NMNAT1: variants seen among roughly 807,000 people sequenced by gnomAD.
The protein encoded by NMNAT1 is nicotinamide nucleotide adenylyltransferase 1.
NMNAT1 carries 11 observed loss-of-function variants against 16.7 expected under a neutral mutation model. The observed-to-expected ratio is 0.66, with a 90% confidence interval of 0.41 to 1.09. NMNAT1 has a LOEUF of 1.09. NMNAT1 is among the 50% of genes least tolerant of loss of function. The pLI, the probability that NMNAT1 is intolerant of heterozygous loss-of-function variation, is 0.00. For synonymous variants in NMNAT1, 110 were observed against 119.8 expected, an observed-to-expected ratio of 0.92 and a Z score of 0.53; for missense variants, 280 against 332.3, an observed-to-expected ratio of 0.84 and a Z score of 1.22.
At chr1:9,996,627 G>T in the NMNAT1 span, among the ~76,000 whole-genome samples, 1 of 152,138 alleles carries the variant, frequency 6.6e-6, no homozygotes, top group Non-Finnish European at 1.5e-5. Flanking sequence ...TAGGAGATGG[G>T]GAGGTTTGTG....
intron 1 of NMNAT1, among the ~76,000 whole-genome samples, chr1:9,945,093 G>A (rs1251995389): frequency 1.3e-5 from 2 of 152,086 alleles, no homozygotes; most frequent in East Asian, 3.9e-4. Context: ...AATTAACCAG[G>A]CGTGGTGGTC....
chr1:9,995,756 C>T, the NMNAT1 span, among the ~76,000 whole-genome samples: 4 of 151,904 alleles, frequency 2.6e-5, no homozygotes, highest in Admixed American at 6.6e-5. Context: ...ACCGCGGGTG[C>T]GGTGGCTCAC....
chr1:9,957,643 A>G (rs1641298399), intron 1 of NMNAT1, among the ~76,000 whole-genome samples: 2 of 152,190 alleles, frequency 1.3e-5, no homozygotes, highest in African/African-American at 4.8e-5. Context: ...GTGAAAAACT[A>G]TTTCATGGGA....
chr1:9,968,939 CAA>C (rs749269968), intron 1 of NMNAT1, among the ~76,000 whole-genome samples: 15 of 68,316 alleles, frequency 2.2e-4, no homozygotes, highest in Admixed American at 3.5e-4. Flanking sequence ...GACTCTGTCT[CAA>C]AAAAAAAAAA....
rs200717720 is a variant in NMNAT1, at chr1:9,945,234, AAAAAC to A, written c.-57+1739_-57+1743del. ...GGGTGACAGAGCAACTCCGTCTTAA[AAAAAC>A]AAAACAAAACAAAACAAAAGAAGAA... On this transcript the variant is annotated intron_variant, in intron 1 of 4. Transcript: ENST00000377205. 4.8e-3 allele frequency among the ~76,000 whole-genome samples: 724 copies of A among 152,218 alleles called. 5 individuals are homozygous for A. The highest frequency in any genetic ancestry group is 0.014 in the Admixed American group (209 of 15,268).
intron 1 of NMNAT1, among the ~76,000 whole-genome samples, chr1:9,952,170 C>T (rs113172808): frequency 0.012 from 1,860 of 152,092 alleles, 10 homozygotes; most frequent in Middle Eastern, 0.027. Flanking sequence ...GGCATGGTGG[C>T]GGGCACCTGT....
At chr1:9,961,376 CG>C (rs1641403041) in intron 1 of NMNAT1, among the ~76,000 whole-genome samples, 1 of 152,128 alleles carries the variant, frequency 6.6e-6, no homozygotes, top group Non-Finnish European at 1.5e-5. Flanking sequence ...GGTTGTCTGA[CG>C]CCAGCTGTCT....
At chr1:9,973,973 G>C (rs1365973053) in intron 2 of NMNAT1, among the ~76,000 whole-genome samples, 2 of 151,728 alleles carry the variant, frequency 1.3e-5, no homozygotes, top group Non-Finnish European at 2.9e-5. Flanking sequence ...CTGTAACTGG[G>C]ATTACAGGCA....
downstream of NMNAT1, among the ~76,000 whole-genome samples, chr1:9,987,928 T>G (rs1360165441): frequency 1.3e-5 from 2 of 152,296 alleles, no homozygotes; most frequent in Admixed American, 1.3e-4. Flanking sequence ...TAAAGTGATT[T>G]TCAAAATTTT....
intron 2 of NMNAT1, 143 bp downstream of exon 2, chr1:9,972,331 A>C: frequency 1.7e-6 from 1 of 599,766 alleles, no homozygotes; most frequent in Non-Finnish European, 3.0e-6. Flanking sequence ...CAACATGGTA[A>C]AACCCTGTCT....
chr1:9,973,165 G>A (rs1641726567), intron 2 of NMNAT1, among the ~76,000 whole-genome samples: 2 of 152,100 alleles, frequency 1.3e-5, no homozygotes, highest in Admixed American at 1.3e-4. Flanking sequence ...TGCCCAGGCT[G>A]GAGTGCAGTG....
intron 1 of NMNAT1, among the ~76,000 whole-genome samples, chr1:9,967,905 G>A (rs1029782245): frequency 6.6e-6 from 1 of 152,040 alleles, no homozygotes; most frequent in African/African-American, 2.4e-5. Flanking sequence ...GAGCCTGGGA[G>A]ATGGAGGTTG....
intron 1 of NMNAT1, among the ~76,000 whole-genome samples, chr1:9,971,202 A>G (rs1641679975): frequency 6.6e-6 from 1 of 152,218 alleles, no homozygotes; most frequent in African/African-American, 2.4e-5. Flanking sequence ...AAGCAAGTCA[A>G]AAAATGTGGA....
At chr1:9,990,444 C>T (rs1252900409), downstream of NMNAT1, among the ~76,000 whole-genome samples, 1 of 152,176 alleles carries the variant, frequency 6.6e-6, no homozygotes, top group Non-Finnish European at 1.5e-5. Context: ...TCCAACAGCC[C>T]TTTCAAACTC....
At chr1:9,965,249 G>A (rs535993752) in intron 1 of NMNAT1, among the ~76,000 whole-genome samples, 6 of 143,516 alleles carry the variant, frequency 4.2e-5, no homozygotes, top group Middle Eastern at 8.0e-3. Context: ...CCCAGGAGGC[G>A]GAGGTTGCAG....
chr1:9,981,019 G>A lies in NMNAT1; in HGVS notation c.300-12G>A. 1 of 1,591,714 alleles carries A rather than the reference G, an allele frequency of 6.3e-7. No homozygotes were observed. The highest frequency in any genetic ancestry group is 1.9e-5 in the Admixed American group (1 of 52,422). ...AGAAAGAGAAATATTCTATTGTTTT[G>A]TTGTTTTATAGACACCATCAAGAGA... On this transcript the variant is annotated splice_polypyrimidine_tract_variant and intron_variant, in intron 3 of 4. Transcript: ENST00000377205.
chr1:9,968,176 G>A (rs12131803), intron 1 of NMNAT1, among the ~76,000 whole-genome samples: 143,700 of 149,114 alleles, frequency 0.96, 69,467 homozygotes, highest in East Asian at 1. Context: ...GGTTCACGCC[G>A]TTCTCCTGCC....
At chr1:9,976,423 G>A (rs546091278) in intron 3 of NMNAT1, among the ~76,000 whole-genome samples, 2 of 152,214 alleles carry the variant, frequency 1.3e-5, no homozygotes, top group South Asian at 4.1e-4. Flanking sequence ...ATTATCATCA[G>A]TCTTCCTAAG....
At chr1:9,943,060 G>A (rs1640842047), upstream of NMNAT1, 2 of 277,528 alleles carry the variant, frequency 7.2e-6, no homozygotes, top group South Asian at 3.4e-5. Flanking sequence ...CCTTGAAAGT[G>A]AGGAGGGTTT....
Sources: gnomAD v4.1 joint callset for allele counts (sites outside exome capture counted in the v4.1 genomes callset) on GRCh38, gnomAD v4.1.1 for gene constraint, MANE v1.5 for transcripts, NCBI Gene and HGNC (gene_info 2026-07-23, HGNC 2026-07-21) for gene names.